Variants in SEM1 observed in about 807,000 individuals in gnomAD.
SEM1 encodes the protein SEM1 26S proteasome subunit.
In SEM1, 3 loss-of-function variants were observed where a neutral mutation model predicts 12.7. That is an observed-to-expected ratio of 0.24 (90% CI 0.11 to 0.61). The LOEUF (loss-of-function observed/expected upper bound fraction) is 0.61. Ranked by LOEUF, SEM1 falls within the 20% of genes least tolerant of loss-of-function variation. SEM1 has a pLI of 0.88. For missense variants in SEM1, 59 were observed against 81.3 expected (o/e 0.73, Z 1.06); for synonymous variants, 30 against 27.8 (o/e 1.08, Z -0.25).
intron 2 of SEM1, among the ~76,000 whole-genome samples, chr7:96,573,297 T>C (rs570819723): frequency 2.0e-5 from 3 of 152,312 alleles, no homozygotes; most frequent in South Asian, 2.1e-4. Flanking sequence ...TTAAGGTTAA[T>C]ATTGTTAAGT....
intron 2 of SEM1, among the ~76,000 whole-genome samples, chr7:96,576,054 GA>G (rs950076527): frequency 2.6e-5 from 4 of 152,090 alleles, no homozygotes; most frequent in Non-Finnish European, 5.9e-5. Flanking sequence ...ACCTTCCTGT[GA>G]ATTACAGCAT....
chr7:96,679,803 A>C lies in SEM1; in HGVS notation c.171-5944T>G, dbSNP rs187850604. Reference sequence around the variant, plus strand: ...TTCCTAATCTATGCTGATTCTGCCAATCATTCTTCTGATCTCTTGATTCAA... The same window carrying C: ...TTCCTAATCTATGCTGATTCTGCCACTCATTCTTCTGATCTCTTGATTCAA... On this transcript the variant is annotated intron_variant, in intron 2 of 2. Transcript: ENST00000413065. Among the ~76,000 whole-genome samples the C allele has an allele frequency of 3.3e-5, 5 of 152,256 alleles. No individual in the cohort carries two copies. The East Asian group carries it at 9.6e-4, about 29-fold the overall frequency.
chr7:96,615,239 A>ATTTTTTTTTTTTTTTTTTTTTTTTT lies in SEM1; in HGVS notation c.170+79558_170+79559insAAAAAAAAAAAAAAAAAAAAAAAAA, dbSNP rs1421596853. ...GGACTGTTGGGTTATTTTTTGAGTC[A>ATTTTTTTTTTTTTTTTTTTTTTTTT]TCTTTTTTTTTTTTTTTTTTTTTTT... On this transcript the variant is annotated intron_variant and NMD_transcript_variant, in intron 2 of 3. Coordinates refer to the SEM1 transcript ENST00000466986. Among the ~76,000 whole-genome samples, 3 of 98,140 alleles carry ATTTTTTTTTTTTTTTTTTTTTTTTT rather than the reference A, an allele frequency of 3.1e-5. 1 individual carries two copies. The highest frequency in any genetic ancestry group is 8.4e-5 in the African/African-American group (2 of 23,760). 64.4% of individuals were successfully genotyped at this position (98,140 alleles called of 152,430 possible).
At chr7:96,582,717 AG>A in intron 2 of SEM1, among the ~76,000 whole-genome samples, 1 of 152,404 alleles carries the variant, frequency 6.6e-6, no homozygotes, top group Non-Finnish European at 1.5e-5. Flanking sequence ...GCATGTGTCC[AG>A]AAATTTATCC....
At chr7:96,680,688 A>G (rs144980823) in intron 2 of SEM1, among the ~76,000 whole-genome samples, 2 of 152,270 alleles carry the variant, frequency 1.3e-5, no homozygotes, top group African/African-American at 4.8e-5. Flanking sequence ...CATGACAGCT[A>G]AAGAGGAATC....
At chr7:96,618,875 C>T (rs1807799561), downstream of SEM1, among the ~76,000 whole-genome samples, 1 of 152,002 alleles carries the variant, frequency 6.6e-6, no homozygotes, top group Non-Finnish European at 1.5e-5. Context: ...CACTTGAGCC[C>T]AGGTGTTCAA....
downstream of SEM1, chr7:96,672,522 G>T (rs970836076): frequency 2.6e-5 from 4 of 152,004 alleles, no homozygotes; most frequent in Non-Finnish European, 4.4e-5. Context: ...ACTGGAGAAG[G>T]GGTACCTTTT....
At position 96,628,219 on chromosome 7, in the gene SEM1, T is replaced by G. The variant is rs1310660209; in HGVS notation, c.171-5576A>C. Reference sequence around the variant, plus strand: ...TCAATGGATCTTTTCATTGGGTACATTTAGTCAATTTACATTCAATGTAAT... The same window carrying G: ...TCAATGGATCTTTTCATTGGGTACAGTTAGTCAATTTACATTCAATGTAAT... On this transcript the variant is annotated intron_variant, in intron 2 of 2. Coordinates refer to the SEM1 transcript ENST00000417009. Among the ~76,000 whole-genome samples, 4 of 152,192 alleles carry G rather than the reference T, an allele frequency of 2.6e-5. No homozygotes were observed. The South Asian group carries it at 8.3e-4, about 32-fold the overall frequency.
intron 2 of SEM1, among the ~76,000 whole-genome samples, chr7:96,657,418 A>G (rs753869783): frequency 6.6e-6 from 1 of 152,202 alleles, no homozygotes; most frequent in Non-Finnish European, 1.5e-5. Flanking sequence ...TCCAGACTTG[A>G]TATCACTCTT....
chr7:96,507,239 G>A (rs1803782009), intron 2 of SEM1, among the ~76,000 whole-genome samples: 1 of 152,156 alleles, frequency 6.6e-6, no homozygotes, highest in Non-Finnish European at 1.5e-5. Context: ...TCAAATGTGT[G>A]TGTATGTATA....
intron 3 of SEM1, among the ~76,000 whole-genome samples, chr7:96,503,325 G>A (rs1354394760): frequency 2.0e-5 from 3 of 152,062 alleles, no homozygotes; most frequent in East Asian, 3.9e-4. Context: ...CTGTCTTTTT[G>A]AATATAATAG....
At chr7:96,693,363 A>T (rs1789985315) in intron 2 of SEM1, among the ~76,000 whole-genome samples, 1 of 152,052 alleles carries the variant, frequency 6.6e-6, no homozygotes, top group Non-Finnish European at 1.5e-5. Flanking sequence ...TGGTGCTGGA[A>T]AGACTAGACA....
chr7:96,497,110 A>ATAATAAAAAT, upstream of SEM1, among the ~76,000 whole-genome samples: 1 of 152,268 alleles, frequency 6.6e-6, no homozygotes, highest in East Asian at 1.9e-4. Context: ...ATGATTCTGC[A>ATAATAAAAAT]TAATAAAAAT....
intron 2 of SEM1, among the ~76,000 whole-genome samples, chr7:96,548,417 C>T (rs956209665): frequency 2.6e-5 from 4 of 152,082 alleles, no homozygotes; most frequent in African/African-American, 9.7e-5. Context: ...ATCTGCAAGC[C>T]TGTTAGAAAA....
chr7:96,634,569 T>C (rs191235759), intron 2 of SEM1, among the ~76,000 whole-genome samples: 1 of 148,524 alleles, frequency 6.7e-6, no homozygotes, highest in African/African-American at 2.4e-5. Flanking sequence ...CTCATATACA[T>C]GCATATATAT....
intron 2 of SEM1, among the ~76,000 whole-genome samples, chr7:96,529,463 C>A (rs1441066330): frequency 2.0e-5 from 3 of 152,070 alleles, no homozygotes; most frequent in Non-Finnish European, 4.4e-5. Flanking sequence ...AATAGCATTT[C>A]TCTTCTAATT....
chr7:96,653,237 CA>C, intron 2 of SEM1, among the ~76,000 whole-genome samples: 1 of 151,592 alleles, frequency 6.6e-6, no homozygotes, highest in Non-Finnish European at 1.5e-5. Context: ...CAGAACAAAA[CA>C]AAAAAAGGCA....
chr7:96,521,174 A>G (rs1306626837), intron 2 of SEM1, among the ~76,000 whole-genome samples: 1 of 152,080 alleles, frequency 6.6e-6, no homozygotes, highest in Non-Finnish European at 1.5e-5. Flanking sequence ...CTCTTATTGA[A>G]TATCCCCATT....
intron 2 of SEM1, among the ~76,000 whole-genome samples, chr7:96,588,174 G>C (rs894172733): frequency 4.1e-4 from 11 of 27,008 alleles, no homozygotes; most frequent in African/African-American, 4.8e-4. Context: ...TTTGAGACCA[G>C]CCTGGGCAAT....
Sources: allele counts gnomAD v4.1 joint callset (sites outside exome capture counted in the v4.1 genomes callset), GRCh38; gene constraint gnomAD v4.1.1; transcripts MANE v1.5; gene names NCBI Gene and HGNC (gene_info 2026-07-23, HGNC 2026-07-21).